The following RORA variants were observed in gnomAD, a reference collection of about 807,000 sequenced individuals.
RORA encodes the protein nuclear receptor ROR-alpha.
RORA carries 7 observed loss-of-function variants against 69.5 expected under a neutral mutation model. The ratio of observed to expected loss-of-function variants is 0.10; its 90% CI spans 0.06 to 0.19. RORA has a LOEUF of 0.19. RORA is among the 10% of genes least tolerant of loss of function. The pLI is 1.00. For synonymous variants in RORA, 261 were observed against 240.8 expected, an observed-to-expected ratio of 1.08 and a Z score of -0.78; for missense variants, 457 against 663.0, an observed-to-expected ratio of 0.69 and a Z score of 3.41.
At chr15:61,019,081 C>G (rs1595882263) in intron 1 of RORA, among the ~76,000 whole-genome samples, 1 of 152,184 alleles carries the variant, frequency 6.6e-6, no homozygotes, top group Non-Finnish European at 1.5e-5. Flanking sequence ...CCCAAATGCT[C>G]TTAACATCTC....
chr15:60,708,945 A>G (rs965757433), intron 1 of RORA, among the ~76,000 whole-genome samples: 5 of 152,224 alleles, frequency 3.3e-5, no homozygotes, highest in African/African-American at 9.6e-5. Context: ...ACAGCCACGC[A>G]GGACCAAGGC....
At chr15:60,598,411 C>G (rs767033466) in intron 2 of RORA, 1 of 152,190 alleles carries the variant, frequency 6.6e-6, no homozygotes, top group Non-Finnish European at 1.5e-5. Context: ...TTCTGCCACC[C>G]CTGAGACAGT....
At chr15:60,539,414 T>C (rs866507862) in intron 2 of RORA, among the ~76,000 whole-genome samples, 3 of 152,236 alleles carry the variant, frequency 2.0e-5, no homozygotes, top group African/African-American at 7.2e-5. Flanking sequence ...CTTTTATCCC[T>C]AGACAGGGAA....
chr15:60,629,621 G>C (rs1240020150), intron 2 of RORA, among the ~76,000 whole-genome samples: 1 of 152,212 alleles, frequency 6.6e-6, no homozygotes, highest in Non-Finnish European at 1.5e-5. Context: ...TGGAGCAAGA[G>C]TGAACTGGGT....
intron 1 of RORA, among the ~76,000 whole-genome samples, chr15:61,102,070 G>A (rs1043931559): frequency 6.6e-6 from 1 of 152,138 alleles, no homozygotes; most frequent in East Asian, 1.9e-4. Flanking sequence ...CCGGATCCTA[G>A]TTCTGGCACA....
At chr15:60,567,394 C>CATT (rs771357639) in intron 2 of RORA, among the ~76,000 whole-genome samples, 3,759 of 149,444 alleles carry the variant, frequency 0.025, 79 homozygotes, top group Non-Finnish European at 0.035. Context: ...CTTTTATTAT[C>CATT]ATTATTATTA....
At chr15:60,886,439 C>A (rs1381216470) in intron 1 of RORA, among the ~76,000 whole-genome samples, 1 of 152,144 alleles carries the variant, frequency 6.6e-6, no homozygotes, top group African/African-American at 2.4e-5. Flanking sequence ...TGCCTACAAC[C>A]AAGTGCAGAA....
intron 1 of RORA, among the ~76,000 whole-genome samples, chr15:60,772,550 G>A (rs977787409): frequency 6.6e-6 from 1 of 152,054 alleles, no homozygotes; most frequent in Non-Finnish European, 1.5e-5. Flanking sequence ...CCTCGTATGG[G>A]TACCCACACC....
chr15:60,906,750 C>G (rs557270256), intron 1 of RORA, among the ~76,000 whole-genome samples: 4 of 152,032 alleles, frequency 2.6e-5, no homozygotes, highest in Non-Finnish European at 5.9e-5. Flanking sequence ...ACTACGGCCA[C>G]GGTGGTTAAT....
intron 1 of RORA, among the ~76,000 whole-genome samples, chr15:60,685,170 C>G (rs552787141): frequency 1.3e-5 from 2 of 152,100 alleles, no homozygotes; most frequent in East Asian, 3.9e-4. Flanking sequence ...CGGGATAATC[C>G]GGGAAGGCAG....
intron 1 of RORA, among the ~76,000 whole-genome samples, chr15:60,941,502 C>G (rs1892695692): frequency 6.6e-6 from 1 of 152,198 alleles, no homozygotes; most frequent in African/African-American, 2.4e-5. Context: ...GAAAGTCTAC[C>G]AGTGCCATGG....
In RORA at chr15:60,921,707, C is replaced by T. The variant is rs1405018034; in HGVS notation, c.167-243021G>A. ...TAAAGAAAAAACAGGGTTCAATTCC[C>T]ATCTCTGCCACTCACCATGTGGCTT... On this transcript the variant is annotated intron_variant, in intron 1 of 10. Transcript: ENST00000335670. 3.3e-5 allele frequency among the ~76,000 whole-genome samples: 5 copies of T among 152,262 alleles called. No homozygotes were observed. The East Asian group carries it at 9.6e-4, about 29-fold the overall frequency.
At chr15:60,873,241 GTGTGTGTC>G (rs1172299423) in intron 1 of RORA, among the ~76,000 whole-genome samples, 4 of 1,602 alleles carry the variant, frequency 2.5e-3, no homozygotes, top group South Asian at 0.05. Flanking sequence ...GTGTGTGTGT[GTGTGTGTC>G]TGTGTGTGTG....
chr15:61,191,529 G>A (rs1260704345), intron 1 of RORA, among the ~76,000 whole-genome samples: 1 of 152,148 alleles, frequency 6.6e-6, no homozygotes, highest in Non-Finnish European at 1.5e-5. Context: ...TACTTCTTAG[G>A]CTGTGTCAAA....
At chr15:60,815,597 C>A (rs1222268065) in intron 1 of RORA, among the ~76,000 whole-genome samples, 3 of 151,978 alleles carry the variant, frequency 2.0e-5, no homozygotes, top group Non-Finnish European at 2.9e-5. Context: ...CCCAGCTTCC[C>A]CCACTGCAGC....
At chr15:61,078,462 G>A (rs1375841076) in intron 1 of RORA, among the ~76,000 whole-genome samples, 1 of 152,078 alleles carries the variant, frequency 6.6e-6, no homozygotes, top group African/African-American at 2.4e-5. Context: ...GCCTCCCAAA[G>A]TGTTGGGATT....
chr15:61,061,351 T>G lies in RORA; in HGVS notation c.166+167702A>C, dbSNP rs1200968367. 9.1e-6 allele frequency among the ~76,000 whole-genome samples: 1 copy of G among 110,296 alleles called. No individual in the cohort carries two copies. Among genetic ancestry groups the G allele is most frequent in the Non-Finnish European group, 1.9e-5 (1 of 53,754 alleles). The allele number at this position is 110,296 out of a possible 152,430, so 72.4% of individuals were successfully genotyped here. Reference sequence around the variant, plus strand: ...AGGGAGACAGAGCGAGGCTCTATCTTAAAAAATAAATAAATAAATAAATAA... The same window carrying G: ...AGGGAGACAGAGCGAGGCTCTATCTGAAAAAATAAATAAATAAATAAATAA... On this transcript the variant is annotated intron_variant, in intron 1 of 10. Coordinates refer to ENST00000335670, the MANE Select transcript of RORA (RefSeq NM_134261.3). This position sits in a 1 kb window ranked among gnomAD's most constrained non-coding sequence, Gnocchi z 4.4.
chr15:60,490,971 A>G lies in RORA; in HGVS notation c.*6484T>C, dbSNP rs185077168. 6.6e-6 allele frequency: 1 copy of G among 152,308 alleles called. No homozygotes were observed. The highest frequency in any genetic ancestry group is 1.9e-4 in the East Asian group (1 of 5,188). The allele number at this position is 152,308 out of a possible 1,614,324, so 9.4% of individuals were successfully genotyped here. On this transcript the variant is annotated 3_prime_UTR_variant, in exon 11 of 11. Coordinates refer to ENST00000335670, the MANE Select transcript of RORA (RefSeq NM_134261.3). This position sits in a 1 kb window ranked among gnomAD's most constrained non-coding sequence, Gnocchi z 4.1. ...ACATCCAATACAAAAACACATCTCCACAAAAGGAGCAGGCAGACAATACAG... is the reference window on the plus strand; with the variant it reads ...ACATCCAATACAAAAACACATCTCCGCAAAAGGAGCAGGCAGACAATACAG...
intron 1 of RORA, among the ~76,000 whole-genome samples, chr15:61,197,922 T>A (rs989184522): frequency 2.0e-5 from 3 of 151,758 alleles, no homozygotes; most frequent in African/African-American, 7.3e-5. Flanking sequence ...GGCTGGAGAG[T>A]GGTACTGCTT....
Sources: allele counts gnomAD v4.1 joint callset (sites outside exome capture counted in the v4.1 genomes callset), GRCh38; gene constraint gnomAD v4.1.1; non-coding constraint Gnocchi (gnomAD v3.1); transcripts MANE v1.5; gene names NCBI Gene and HGNC (gene_info 2026-07-23, HGNC 2026-07-21).